ETS1: variants seen among roughly 807,000 people sequenced by gnomAD.
ETS1 encodes protein C-ets-1.
ETS1 carries 15 observed loss-of-function variants against 58.6 expected under a neutral mutation model. The ratio of observed to expected loss-of-function variants is 0.26; its 90% confidence interval spans 0.17 to 0.39. The LOEUF (loss-of-function observed/expected upper bound fraction) is 0.39, where lower values mean the gene tolerates loss of function less well. Ranked by LOEUF, ETS1 falls within the 10% of genes least tolerant of loss-of-function variation. The probability of loss-of-function intolerance (pLI) is 1.00; values close to 1 mark genes in which losing one functional copy is unlikely to be tolerated. For synonymous variants in ETS1, 214 were observed against 218.2 expected, an observed-to-expected ratio of 0.98 and a Z score of 0.17; for missense variants, 417 against 610.5, an observed-to-expected ratio of 0.68 and a Z score of 3.34.
In ETS1 at chr11:128,463,734, C is replaced by G. The variant is rs1417032887; in HGVS notation, c.1124-107G>C. ...ATCCCTCTTCTCTCAGCCCATCCAGCCAGGAGAAAATGAAGGCAACAGACA... is the reference window on the plus strand; with the variant it reads ...ATCCCTCTTCTCTCAGCCCATCCAGGCAGGAGAAAATGAAGGCAACAGACA... On this transcript the variant is annotated intron_variant, in intron 8 of 9. Transcript: ENST00000392668. The surrounding 1 kb of genome is among the most constrained non-coding windows in gnomAD (Gnocchi z 4.1). The G allele has an allele frequency of 1.4e-6, 1 of 706,746 alleles. No homozygotes were observed. Among genetic ancestry groups the G allele is most frequent in the Non-Finnish European group, 2.6e-6 (1 of 386,674 alleles). The allele number at this position is 706,746 out of a possible 1,614,324, so 43.8% of individuals were successfully genotyped here.
At chr11:128,486,645 C>T (rs1453364641) in intron 5 of ETS1, among the ~76,000 whole-genome samples, 1 of 152,118 alleles carries the variant, frequency 6.6e-6, no homozygotes, top group Non-Finnish European at 1.5e-5. Flanking sequence ...TTCCCATTGC[C>T]CTCAGGTTTC....
intron 3 of ETS1, among the ~76,000 whole-genome samples, chr11:128,495,659 G>A (rs944503717): frequency 6.6e-6 from 1 of 152,144 alleles, no homozygotes; most frequent in Admixed American, 6.5e-5. Flanking sequence ...AAACCTTCTG[G>A]TCCACATGGA....
chr11:128,533,685 T>G (rs996435191), intron 3 of ETS1, among the ~76,000 whole-genome samples: 1 of 152,204 alleles, frequency 6.6e-6, no homozygotes, highest in Non-Finnish European at 1.5e-5. Context: ...CCCCATGGTT[T>G]CCAAGGCCTT....
chr11:128,531,258 T>G (rs543196268), intron 3 of ETS1, among the ~76,000 whole-genome samples: 1 of 152,342 alleles, frequency 6.6e-6, no homozygotes, highest in African/African-American at 2.4e-5. Context: ...TTTCTTCATC[T>G]ACAGAATGGA....
At chr11:128,524,809 G>C (rs1863768738) in intron 3 of ETS1, among the ~76,000 whole-genome samples, 1 of 152,198 alleles carries the variant, frequency 6.6e-6, no homozygotes, top group Non-Finnish European at 1.5e-5. Context: ...GATTAAGTGA[G>C]TTTGATATGC....
chr11:128,515,268 ACACACG>A (rs1341534063), intron 3 of ETS1, among the ~76,000 whole-genome samples: 2 of 151,332 alleles, frequency 1.3e-5, no homozygotes, highest in Admixed American at 6.6e-5. Context: ...ACACACACAC[ACACACG>A]CGCGCGTGCA....
chr11:128,532,308 C>T (rs546320712), intron 3 of ETS1, among the ~76,000 whole-genome samples: 29 of 152,310 alleles, frequency 1.9e-4, no homozygotes, highest in African/African-American at 6.3e-4. Context: ...CTTGGGCCAC[C>T]AGTCAAACCA....
intron 1 of ETS1, among the ~76,000 whole-genome samples, chr11:128,578,676 T>TCA (rs142071785): frequency 3.3e-5 from 5 of 151,904 alleles, no homozygotes; most frequent in African/African-American, 4.8e-5. Flanking sequence ...AACATAGATG[T>TCA]CACACACACA....
At chr11:128,540,727 C>A (rs1417479848) in intron 3 of ETS1, among the ~76,000 whole-genome samples, 2 of 152,150 alleles carry the variant, frequency 1.3e-5, no homozygotes, top group Non-Finnish European at 2.9e-5. Flanking sequence ...TATCTCCTGG[C>A]TTTATAAACA....
chr11:128,515,641 T>C (rs1863503594), intron 3 of ETS1, among the ~76,000 whole-genome samples: 1 of 152,144 alleles, frequency 6.6e-6, no homozygotes, highest in African/African-American at 2.4e-5. Context: ...TTAATGTCTG[T>C]CATTCTGATG....
chr11:128,552,500 G>A (rs1218455650), intron 3 of ETS1, among the ~76,000 whole-genome samples: 1 of 152,226 alleles, frequency 6.6e-6, no homozygotes, highest in Non-Finnish European at 1.5e-5. Context: ...CCAGCTCTAA[G>A]CAAGTATTTT....
At position 128,571,510 on chromosome 11, in the gene ETS1, A is replaced by G. The variant is rs1864632082; in HGVS notation, c.69+1552T>C. Among the ~76,000 whole-genome samples the G allele has an allele frequency of 4.1e-3, 21 of 5,138 alleles. 3 individuals carry two copies. Among genetic ancestry groups the G allele is most frequent in the African/African-American group, 0.029 (19 of 650 alleles). The allele number at this position is 5,138 out of a possible 152,430, so 3.4% of individuals were successfully genotyped here. Reference sequence around the variant, plus strand: ...CAGAGCAAGACTCCGTCAAAAAAAAAAAAAAAAAAAAAAAAAAAAAAAAAA... The same window carrying G: ...CAGAGCAAGACTCCGTCAAAAAAAAGAAAAAAAAAAAAAAAAAAAAAAAAA... On this transcript the variant is annotated intron_variant, in intron 2 of 9. Transcript: ENST00000392668.
intron 3 of ETS1, chr11:128,526,987 G>A (rs552533232): frequency 6.6e-6 from 3 of 455,924 alleles, no homozygotes; most frequent in South Asian, 3.1e-5. Context: ...CCTGATAGCA[G>A]TTCTCTCCCT....
chr11:128,484,819 C>G lies in ETS1; in HGVS notation c.862+4G>C, dbSNP rs961800460. ...AGAGCTTTTAGAGAAGAAATATGAC[C>G]TACCACGACTGGTCCTCCCCATGCA... On this transcript the variant is annotated splice_donor_region_variant and intron_variant, in intron 7 of 9. Transcript: ENST00000392668. 3.1e-6 allele frequency: 5 copies of G among 1,611,720 alleles called. No homozygotes were observed. The highest frequency in any genetic ancestry group is 1.7e-5 in the Admixed American group (1 of 59,910).
intron 8 of ETS1, among the ~76,000 whole-genome samples, chr11:128,467,411 T>C (rs1289631174): frequency 6.6e-6 from 1 of 152,178 alleles, no homozygotes; most frequent in African/African-American, 2.4e-5. Context: ...GCACTCCCAG[T>C]TACGACTCTT....
In ETS1 at chr11:128,468,927, T is replaced by C. The variant is rs1189571541; in HGVS notation, c.1124-5300A>G. 5.3e-5 allele frequency among the ~76,000 whole-genome samples: 8 copies of C among 152,350 alleles called. No individual in the cohort carries two copies. In the East Asian group the frequency reaches 1.2e-3, roughly 22 times the overall value. ...ACACAGACTATATCTTACTGAGCCA[T>C]ATATCCTCAATGCCAGGTATGATAG... is the stretch of plus-strand genomic sequence containing the variant. On this transcript the variant is annotated intron_variant, in intron 8 of 9. Coordinates refer to ENST00000392668, the MANE Select transcript of ETS1 (RefSeq NM_001143820.2).
intron 3 of ETS1, among the ~76,000 whole-genome samples, chr11:128,554,749 A>T (rs1864286611): frequency 6.6e-6 from 1 of 152,070 alleles, no homozygotes; most frequent in Admixed American, 6.5e-5. Flanking sequence ...AGGCAGCTTT[A>T]ATCTCAGTTG....
rs1861861924 is a variant in ETS1, at chr11:128,459,989, T to A, written c.*2372A>T. 6.6e-6 allele frequency: 1 copy of A among 152,468 alleles called. No individual in the cohort carries two copies. 9.4% of individuals were successfully genotyped at this position (152,468 alleles called of 1,614,324 possible). Reference sequence around the variant, plus strand: ...AATAATTGATACCCGGCCCTGGTTCTACTCTTACCCATTATTGAAATGTGG... The same window carrying A: ...AATAATTGATACCCGGCCCTGGTTCAACTCTTACCCATTATTGAAATGTGG... On this transcript the variant is annotated 3_prime_UTR_variant, in exon 10 of 10. Coordinates refer to ENST00000392668, the MANE Select transcript of ETS1 (RefSeq NM_001143820.2).
intron 3 of ETS1, among the ~76,000 whole-genome samples, chr11:128,543,180 C>T (rs959208790): frequency 7.1e-6 from 1 of 139,982 alleles, no homozygotes; most frequent in African/African-American, 2.7e-5. Context: ...GCAACAAGAG[C>T]GAAACTCTGT....
Sources: allele counts gnomAD v4.1 joint callset (sites outside exome capture counted in the v4.1 genomes callset), GRCh38; gene constraint gnomAD v4.1.1; non-coding constraint Gnocchi (gnomAD v3.1); transcripts MANE v1.5; gene names NCBI Gene and HGNC (gene_info 2026-07-23, HGNC 2026-07-21).